RYR2: variants seen among roughly 807,000 people sequenced by gnomAD.
The protein encoded by RYR2 is cardiac muscle ryanodine receptor-calcium release channel.
In RYR2, 227 loss-of-function variants were observed where a neutral mutation model predicts 601.1. The ratio of observed to expected loss-of-function variants is 0.38; its 90% CI spans 0.34 to 0.42. The LOEUF (loss-of-function observed/expected upper bound fraction) is 0.42. Ranked by LOEUF, RYR2 falls within the 10% of genes least tolerant of loss-of-function variation. The pLI is 1.00. For missense variants in RYR2, 4,646 were observed against 6,156.5 expected, an observed-to-expected ratio of 0.75 and a Z score of 8.21; for synonymous variants, 2,223 against 2,175.1, an observed-to-expected ratio of 1.02 and a Z score of -0.61.
intron 1 of RYR2, among the ~76,000 whole-genome samples, chr1:237,231,989 T>G (rs1176948220): frequency 1.3e-5 from 2 of 152,222 alleles, no homozygotes; most frequent in Admixed American, 1.3e-4. Flanking sequence ...GACCCAGTAT[T>G]CTTTAGCGTT....
intron 27 of RYR2, among the ~76,000 whole-genome samples, chr1:237,563,197 T>C (rs1218280661): frequency 5.3e-5 from 8 of 151,934 alleles, no homozygotes; most frequent in Non-Finnish European, 1.0e-4. Context: ...CACCTGAGGC[T>C]CGAAGTTCGA....
intron 1 of RYR2, among the ~76,000 whole-genome samples, chr1:237,142,761 A>G (rs1372860286): frequency 3.3e-5 from 5 of 152,218 alleles, no homozygotes; most frequent in South Asian, 2.1e-4. Context: ...TTCACTGCCC[A>G]TTAACAGTTT....
chr1:237,488,006 C>T (rs1216205702), intron 17 of RYR2, among the ~76,000 whole-genome samples: 2 of 151,992 alleles, frequency 1.3e-5, no homozygotes, highest in South Asian at 4.2e-4. Context: ...GGAGAAAAAT[C>T]GGGGATTTGT....
At chr1:237,768,909 A>G (rs544459158) in intron 84 of RYR2, among the ~76,000 whole-genome samples, 5 of 152,308 alleles carry the variant, frequency 3.3e-5, no homozygotes, top group Admixed American at 6.5e-5. Flanking sequence ...GTGTCCTTAT[A>G]TAAGTGAAAT....
chr1:237,730,696 C>T (rs976347386), intron 77 of RYR2, among the ~76,000 whole-genome samples: 5 of 152,046 alleles, frequency 3.3e-5, no homozygotes, highest in African/African-American at 2.4e-5. Context: ...AATGAACTGT[C>T]AAGAAGTTAT....
chr1:237,538,540 C>A (rs557190265), intron 25 of RYR2, among the ~76,000 whole-genome samples: 1 of 149,064 alleles, frequency 6.7e-6, no homozygotes, highest in African/African-American at 2.5e-5. Flanking sequence ...GGGAGGCCAA[C>A]GCAGGCGGAT....
intron 10 of RYR2, among the ~76,000 whole-genome samples, chr1:237,400,789 T>G (rs759176481): frequency 3.9e-5 from 6 of 152,106 alleles, no homozygotes; most frequent in Non-Finnish European, 5.9e-5. Flanking sequence ...GATGTAGTAT[T>G]GGGTCATAGT....
chr1:237,320,319 T>C (rs1553399810), intron 2 of RYR2, among the ~76,000 whole-genome samples: 1 of 152,196 alleles, frequency 6.6e-6, no homozygotes, highest in Non-Finnish European at 1.5e-5. Flanking sequence ...AAGTGTTATG[T>C]TATGGCTGTA....
At chr1:237,802,239 A>C (rs1346819378) in intron 98 of RYR2, 3 of 183,984 alleles carry the variant, frequency 1.6e-5, no homozygotes, top group African/African-American at 4.7e-5. Flanking sequence ...AATAATTTTA[A>C]AAGAACATTA....
At chr1:237,787,830 T>TTCTAAAATTCAGAATATTA (rs1308587221) in intron 91 of RYR2, 158 bp from the exon 92 acceptor site, 2 of 697,474 alleles carry the variant, frequency 2.9e-6, no homozygotes, top group Non-Finnish European at 4.8e-6. Flanking sequence ...CTACCCCTGA[T>TTCTAAAATTCAGAATATTA]TCTAAAATTC....
chr1:237,730,065 A>G (rs1690539168), intron 76 of RYR2, among the ~76,000 whole-genome samples, 195 bp from the exon 77 acceptor site: 1 of 152,176 alleles, frequency 6.6e-6, no homozygotes, highest in South Asian at 2.1e-4. Context: ...TGACTGAGCC[A>G]GGATTGAAAT....
intron 24 of RYR2, among the ~76,000 whole-genome samples, chr1:237,516,751 G>A (rs1283567505): frequency 6.6e-6 from 1 of 152,074 alleles, no homozygotes; most frequent in Non-Finnish European, 1.5e-5. Flanking sequence ...CAGGAACCTG[G>A]GAATCACCTT....
intron 1 of RYR2, among the ~76,000 whole-genome samples, chr1:237,115,730 C>T (rs972877280): frequency 2.0e-5 from 3 of 152,124 alleles, no homozygotes; most frequent in African/African-American, 7.2e-5. Flanking sequence ...ACTTGTAGGC[C>T]TTAGTTCTTT....
intron 1 of RYR2, among the ~76,000 whole-genome samples, chr1:237,084,413 T>C (rs1490926845): frequency 6.6e-6 from 1 of 152,168 alleles, no homozygotes; most frequent in Non-Finnish European, 1.5e-5. Context: ...ATTATGGAAA[T>C]TGAATGGCAC....
chr1:237,690,232 A>T (rs1686819286), intron 63 of RYR2, among the ~76,000 whole-genome samples: 1 of 152,196 alleles, frequency 6.6e-6, no homozygotes, highest in Admixed American at 6.5e-5. Flanking sequence ...TGCTAATATG[A>T]CATCCTAGAG....
intron 1 of RYR2, among the ~76,000 whole-genome samples, chr1:237,077,858 T>C (rs1339434784): frequency 1.4e-5 from 2 of 146,158 alleles, no homozygotes; most frequent in East Asian, 2.0e-4. Context: ...TATTCCAAAA[T>C]TGGCCACATA....
chr1:237,250,587 C>T (rs925483599), intron 1 of RYR2, among the ~76,000 whole-genome samples: 4 of 152,086 alleles, frequency 2.6e-5, no homozygotes, highest in African/African-American at 9.7e-5. Context: ...TCCTCAAAGC[C>T]CGTCTTCCCT....
Position 237,101,318 on chromosome 1 carries a change from A to AAAC in RYR2, c.48+58751_48+58752insCAA, listed in dbSNP as rs1553295432. Reference sequence around the variant, plus strand: ...AGAAGTTAAAAAAAAAAAAAAAAAAAAAAAAACCTCACAAACAAGATGTTT... The same window carrying AAAC: ...AGAAGTTAAAAAAAAAAAAAAAAAAAAACAAAAAACCTCACAAACAAGATGTTT... On this transcript the variant is annotated intron_variant, in intron 1 of 104. Coordinates refer to ENST00000366574, the MANE Select transcript of RYR2 (RefSeq NM_001035.3). Among the ~76,000 whole-genome samples the AAAC allele has an allele frequency of 4.5e-4, 65 of 144,102 alleles. 1 individual carries two copies. The highest frequency in any genetic ancestry group is 2.5e-3 in the Admixed American group (36 of 14,542). The allele number at this position is 144,102 out of a possible 152,430, so 94.5% of individuals were successfully genotyped here. A position where few individuals can be genotyped will look rare whatever the true frequency, so the allele number is the denominator to read the frequency against.
At chr1:237,199,584 C>A (rs1368084315) in intron 1 of RYR2, among the ~76,000 whole-genome samples, 1 of 152,148 alleles carries the variant, frequency 6.6e-6, no homozygotes, top group Non-Finnish European at 1.5e-5. Context: ...GATGGGTCGG[C>A]CTCTCCCAGT....
Sources: allele counts gnomAD v4.1 joint callset (sites outside exome capture counted in the v4.1 genomes callset), GRCh38; gene constraint gnomAD v4.1.1; transcripts MANE v1.5; gene names NCBI Gene and HGNC (gene_info 2026-07-23, HGNC 2026-07-21).